The following PCDH15 variants were observed in gnomAD, a reference collection of about 807,000 sequenced individuals.
The protein encoded by PCDH15 is protocadherin-15.
In PCDH15, 129 loss-of-function variants were observed where a neutral mutation model predicts 178.5. The ratio of observed to expected loss-of-function variants is 0.72; its 90% confidence interval spans 0.63 to 0.84. The LOEUF is 0.84. PCDH15 is among the 40% of genes least tolerant of loss of function. PCDH15 has a pLI of 0.00. For missense variants in PCDH15, 2,230 were observed against 2,099.9 expected (o/e 1.06, Z -1.21); for synonymous variants, 800 against 732.0 (o/e 1.09, Z -1.50).
intron 35 of PCDH15, among the ~76,000 whole-genome samples, chr10:53,815,079 T>G (rs987195443): frequency 6.6e-6 from 1 of 152,086 alleles, no homozygotes; most frequent in Non-Finnish European, 1.5e-5. Flanking sequence ...CCCAGTAGAC[T>G]GTAACAACCC....
intron 3 of PCDH15, among the ~76,000 whole-genome samples, chr10:54,873,179 T>C (rs1954070971): frequency 6.6e-6 from 1 of 152,124 alleles, no homozygotes; most frequent in Non-Finnish European, 1.5e-5. Flanking sequence ...GGATATGTTT[T>C]TTATATATCG....
In PCDH15 at chr10:53,831,420, C is replaced by T; in HGVS notation, c.4097G>A (p.Arg1366Lys). The change falls in exon 30 of 38, where the codon AGA becomes AAA. Residue 1366 changes from arginine (R) to lysine (K), a missense_variant. Physicochemically the swap from Arg to Lys is conservative, Grantham distance 26. Transcript: ENST00000644397. ...TTCTGTGTATCCTAGACTTTCTCCT[C>T]TCTTTTTAATGCTGGTCACTGCCTC... ...TPEAVTSIKK[R>K]GESLGYTEGA... 6.2e-7 allele frequency: 1 copy of T among 1,614,158 alleles called. No homozygotes were observed. Among genetic ancestry groups the T allele is most frequent in the Non-Finnish European group, 8.5e-7 (1 of 1,180,022 alleles).
intron 2 of PCDH15, among the ~76,000 whole-genome samples, chr10:55,581,318 A>G (rs1334121670): frequency 6.6e-6 from 1 of 152,020 alleles, no homozygotes. Flanking sequence ...ATAACAGAAA[A>G]TGCTAATATT....
At chr10:55,300,322 C>T (rs1352117136) in intron 1 of PCDH15, among the ~76,000 whole-genome samples, 2 of 152,080 alleles carry the variant, frequency 1.3e-5, no homozygotes, top group Non-Finnish European at 2.9e-5. Flanking sequence ...ATGATCTTAG[C>T]CTTCAACAGA....
Position 54,405,961 on chromosome 10 carries a change from C to T in PCDH15, c.158-27019G>A, listed in dbSNP as rs73236790. On this transcript the variant is annotated intron_variant, in intron 3 of 37. Transcript: ENST00000644397. Reference sequence around the variant, plus strand: ...TTCTTATTTCTACCATATTGGTCTGCTTCTTTGTATTTTTTCTGGCCCAAC... The same window carrying T: ...TTCTTATTTCTACCATATTGGTCTGTTTCTTTGTATTTTTTCTGGCCCAAC... 8.4e-3 allele frequency among the ~76,000 whole-genome samples: 1,269 copies of T among 151,848 alleles called. 17 individuals are homozygous for T. The highest frequency in any genetic ancestry group is 0.029 in the African/African-American group (1,200 of 41,438).
chr10:54,943,933 G>A (rs760610046), intron 2 of PCDH15, among the ~76,000 whole-genome samples: 1 of 151,750 alleles, frequency 6.6e-6, no homozygotes, highest in Non-Finnish European at 1.5e-5. Context: ...GGTTTAAAGG[G>A]AGTTTCTATC....
chr10:54,052,288 C>T (rs972849439), intron 18 of PCDH15, among the ~76,000 whole-genome samples: 2 of 152,182 alleles, frequency 1.3e-5, no homozygotes, highest in African/African-American at 2.4e-5. Flanking sequence ...GCCGCAGGCA[C>T]TCAATGGCAG....
intron 20 of PCDH15, among the ~76,000 whole-genome samples, chr10:54,011,549 G>A (rs74134958): frequency 0.092 from 13,973 of 152,120 alleles, 1,792 homozygotes; most frequent in African/African-American, 0.29. Context: ...TGCAAAAGGA[G>A]CCGACACTTT....
Position 53,802,835 on chromosome 10 carries a change from C to G in PCDH15, c.*3744G>C, listed in dbSNP as rs1038219687. The G allele has an allele frequency of 1.3e-5, 2 of 151,836 alleles. No individual in the cohort carries two copies. The highest frequency in any genetic ancestry group is 3.9e-4 in the East Asian group (2 of 5,182). 9.4% of individuals were successfully genotyped at this position (151,836 alleles called of 1,614,324 possible). A position where few individuals can be genotyped will look rare whatever the true frequency, so the allele number is the denominator to read the frequency against. Reference sequence around the variant, plus strand: ...AATAACAATGCATTTTAACTTAAAACTTCTAATTCAGATTCTTATACAGTA... The same window carrying G: ...AATAACAATGCATTTTAACTTAAAAGTTCTAATTCAGATTCTTATACAGTA... On this transcript the variant is annotated 3_prime_UTR_variant, in exon 38 of 38. Transcript: ENST00000644397.
intron 2 of PCDH15, among the ~76,000 whole-genome samples, chr10:55,436,819 A>G (rs1179851649): frequency 6.6e-6 from 1 of 152,184 alleles, no homozygotes; most frequent in East Asian, 1.9e-4. Context: ...ATAGGTGGTT[A>G]TAAGTGGGAG....
At chr10:54,779,366 A>C (rs998710074) in intron 1 of PCDH15, among the ~76,000 whole-genome samples, 3 of 143,762 alleles carry the variant, frequency 2.1e-5, no homozygotes, top group Admixed American at 1.4e-4. Context: ...CTTTTATTTA[A>C]TATATATATT....
At chr10:55,066,161 C>CT (rs199638996) in intron 2 of PCDH15, among the ~76,000 whole-genome samples, 2,158 of 151,042 alleles carry the variant, frequency 0.014, 56 homozygotes, top group African/African-American at 0.049. Context: ...TTTCTTAAAA[C>CT]TTTTTTTTTC....
chr10:55,309,657 G>GA (rs950679125), intron 1 of PCDH15, among the ~76,000 whole-genome samples: 6 of 152,118 alleles, frequency 3.9e-5, no homozygotes, highest in South Asian at 4.2e-4. Flanking sequence ...ATCACAATAG[G>GA]AAAAAAATAG....
intron 15 of PCDH15, among the ~76,000 whole-genome samples, chr10:54,114,221 T>C (rs1045048684): frequency 1.3e-5 from 2 of 152,230 alleles, no homozygotes; most frequent in Non-Finnish European, 2.9e-5. Flanking sequence ...CTTTTTATTT[T>C]AGAAAACCCT....
At chr10:54,273,473 A>C (rs1185994682) in intron 8 of PCDH15, among the ~76,000 whole-genome samples, 1 of 152,088 alleles carries the variant, frequency 6.6e-6, no homozygotes, top group Non-Finnish European at 1.5e-5. Context: ...GACAGATCAA[A>C]AGACACAAGA....
At chr10:55,253,056 T>A (rs140178807) in intron 1 of PCDH15, among the ~76,000 whole-genome samples, 7 of 152,222 alleles carry the variant, frequency 4.6e-5, no homozygotes, top group African/African-American at 1.2e-4. Flanking sequence ...AGTATAAATA[T>A]TGAGGGTCAT....
intron 1 of PCDH15, among the ~76,000 whole-genome samples, chr10:54,740,678 G>A (rs538900457): frequency 2.2e-4 from 34 of 151,968 alleles, no homozygotes; most frequent in South Asian, 1.9e-3. Context: ...ACAAAGTGGC[G>A]TATTAATACA....
intron 13 of PCDH15, among the ~76,000 whole-genome samples, chr10:54,163,540 C>G (rs1037704592): frequency 6.6e-6 from 1 of 152,092 alleles, no homozygotes; most frequent in African/African-American, 2.4e-5. Context: ...CACTAGGCCC[C>G]TACTCCAATA....
intron 9 of PCDH15, among the ~76,000 whole-genome samples, chr10:54,229,462 G>C (rs2053824248): frequency 6.6e-6 from 1 of 152,106 alleles, no homozygotes; most frequent in South Asian, 2.1e-4. Context: ...TTAACTAAAT[G>C]ATATGGTTTT....
Sources: gnomAD v4.1 joint callset for allele counts (sites outside exome capture counted in the v4.1 genomes callset) on GRCh38, gnomAD v4.1.1 for gene constraint, MANE v1.5 for transcripts, NCBI Gene and HGNC (gene_info 2026-07-23, HGNC 2026-07-21) for gene names.